Variants in THSD7B observed in about 807,000 individuals in gnomAD.
THSD7B encodes the protein thrombospondin type-1 domain-containing protein 7B.
In THSD7B, 138 loss-of-function variants were observed where a neutral mutation model predicts 213.6. The observed-to-expected ratio is 0.65, with a 90% CI of 0.56 to 0.74. THSD7B has a LOEUF of 0.74. Ranked by LOEUF, THSD7B falls within the 30% of genes least tolerant of loss-of-function variation. The pLI is 0.00. For missense variants in THSD7B, 1,931 were observed against 1,991.5 expected (o/e 0.97, Z 0.58); for synonymous variants, 742 against 687.0 (o/e 1.08, Z -1.25).
At chr2:137,171,667 A>T (rs1246245583) in intron 7 of THSD7B, among the ~76,000 whole-genome samples, 1 of 152,220 alleles carries the variant, frequency 6.6e-6, no homozygotes, top group African/African-American at 2.4e-5. Flanking sequence ...TGCCATGAGA[A>T]GCCCCACTTA....
chr2:137,395,086 T>C (rs1381970411), intron 12 of THSD7B, among the ~76,000 whole-genome samples: 1 of 142,048 alleles, frequency 7.0e-6, no homozygotes, highest in African/African-American at 2.6e-5. Flanking sequence ...GTTTTCTAGA[T>C]ATAAAATCAT....
rs148942585 is a variant in THSD7B at position 137,479,522 on chromosome 2, C to T, written c.3138+28499C>T. 3.1e-4 allele frequency: 124 copies of T among 400,406 alleles called. 3 individuals carry two copies. In the Middle Eastern group the frequency reaches 0.011, roughly 35 times the overall value. 24.8% of individuals were successfully genotyped at this position (400,406 alleles called of 1,614,324 possible). On this transcript the variant is annotated intron_variant, in intron 15 of 27. Transcript: ENST00000409968. The stretch of plus-strand genomic sequence containing the variant: ...TTGCTGGGGAAAGTGGGGTTCCTTT[C>T]GCTGGGAGCAGCCTTAGGCAGGTGG...
intron 5 of THSD7B, among the ~76,000 whole-genome samples, chr2:137,136,878 TA>T (rs1465479214): frequency 6.6e-6 from 1 of 152,176 alleles, no homozygotes; most frequent in Non-Finnish European, 1.5e-5. Context: ...AGATGAATAT[TA>T]GAAAATTATT....
intron 12 of THSD7B, among the ~76,000 whole-genome samples, chr2:137,370,993 CT>C (rs1347214305): frequency 6.6e-6 from 1 of 151,318 alleles, no homozygotes; most frequent in Non-Finnish European, 1.5e-5. Context: ...TTTCTATATA[CT>C]TTTTTGCTTT....
At chr2:137,651,564 G>A (rs746771160) in intron 21 of THSD7B, among the ~76,000 whole-genome samples, 3 of 151,654 alleles carry the variant, frequency 2.0e-5, no homozygotes, top group Non-Finnish European at 4.4e-5. Context: ...TTGACTTATG[G>A]CTACTCTGAT....
At chr2:137,281,424 A>G (rs1344174251) in intron 12 of THSD7B, among the ~76,000 whole-genome samples, 4 of 151,660 alleles carry the variant, frequency 2.6e-5, no homozygotes, top group African/African-American at 9.7e-5. Flanking sequence ...TATTATTATT[A>G]TACTTTAAGT....
intron 20 of THSD7B, among the ~76,000 whole-genome samples, chr2:137,639,898 C>G (rs1682906290): frequency 6.6e-6 from 1 of 152,148 alleles, no homozygotes; most frequent in Non-Finnish European, 1.5e-5. Context: ...AACTAGCTTG[C>G]TTTTGATTTT....
At position 136,801,728 on chromosome 2, in the gene THSD7B, G is replaced by A. The variant is rs578243862; in HGVS notation, c.-36+36041G>A. Among the ~76,000 whole-genome samples the A allele has an allele frequency of 9.2e-5, 14 of 152,196 alleles. No individual in the cohort carries two copies. The South Asian group carries it at 2.7e-3, about 29-fold the overall frequency. On this transcript the variant is annotated intron_variant, in intron 1 of 27. Coordinates refer to ENST00000409968, the MANE Select transcript of THSD7B (RefSeq NM_001316349.2). The stretch of plus-strand genomic sequence containing the variant: ...AGGATGGTTTGAATAGTATTGTAAT[G>A]CAATTGGCAAGCCAGTGGAATTGTG...
chr2:137,552,414 C>T (rs1680867183), intron 15 of THSD7B, among the ~76,000 whole-genome samples: 2 of 152,156 alleles, frequency 1.3e-5, no homozygotes, highest in South Asian at 2.1e-4. Context: ...GGCATCTCAC[C>T]ATCTCAGTGT....
intron 12 of THSD7B, among the ~76,000 whole-genome samples, chr2:137,315,588 T>A (rs1573956513): frequency 6.6e-6 from 1 of 152,290 alleles, no homozygotes; most frequent in East Asian, 1.9e-4. Flanking sequence ...CTATCAACTT[T>A]TTTTTTTCGT....
intron 2 of THSD7B, among the ~76,000 whole-genome samples, chr2:137,039,152 T>C (rs1264629065): frequency 6.6e-6 from 1 of 152,198 alleles, no homozygotes; most frequent in African/African-American, 2.4e-5. Context: ...TTATTCTTCT[T>C]TAAAATACAC....
At chr2:137,401,392 AC>A (rs1487235773) in intron 12 of THSD7B, among the ~76,000 whole-genome samples, 1 of 152,000 alleles carries the variant, frequency 6.6e-6, no homozygotes. Context: ...GTATTTTCAT[AC>A]CCTCTAGTAT....
rs534147145 is a variant in THSD7B, at chr2:137,074,668, T to G, written c.950+17438T>G. Among the ~76,000 whole-genome samples the G allele has an allele frequency of 1.5e-3, 235 of 152,332 alleles. 2 individuals are homozygous for G. Among genetic ancestry groups the G allele is most frequent in the Non-Finnish European group, 2.7e-3 (187 of 68,030 alleles). Reference sequence around the variant, plus strand: ...TATTTTGCTCGTTGGTTGATGCAGTTTCTTCCTAGCCTTGACGGTCTTTAC... The same window carrying G: ...TATTTTGCTCGTTGGTTGATGCAGTGTCTTCCTAGCCTTGACGGTCTTTAC... On this transcript the variant is annotated intron_variant, in intron 3 of 27. Coordinates refer to ENST00000409968, the MANE Select transcript of THSD7B (RefSeq NM_001316349.2).
chr2:137,468,785 A>G (rs746841165), intron 15 of THSD7B, among the ~76,000 whole-genome samples: 2 of 152,040 alleles, frequency 1.3e-5, no homozygotes, highest in African/African-American at 2.4e-5. Context: ...GAACTTCCCT[A>G]TGGATTCTTT....
At chr2:136,997,809 T>C (rs1685922545) in intron 2 of THSD7B, among the ~76,000 whole-genome samples, 1 of 152,126 alleles carries the variant, frequency 6.6e-6, no homozygotes, top group African/African-American at 2.4e-5. Context: ...TCTTATGACC[T>C]TCTGGATGTA....
chr2:136,804,793 A>G (rs918681820), intron 1 of THSD7B, among the ~76,000 whole-genome samples: 3 of 152,156 alleles, frequency 2.0e-5, no homozygotes, highest in African/African-American at 4.8e-5. Context: ...AGCTTGCTTA[A>G]TTATTAAGGA....
chr2:137,468,460 C>G (rs1001792495), intron 15 of THSD7B, among the ~76,000 whole-genome samples: 1 of 151,826 alleles, frequency 6.6e-6, no homozygotes, highest in African/African-American at 2.4e-5. Flanking sequence ...GGTTTGTCCT[C>G]TAAACTTGAA....
At chr2:137,360,091 T>C (rs1685220113) in intron 12 of THSD7B, among the ~76,000 whole-genome samples, 2 of 152,188 alleles carry the variant, frequency 1.3e-5, no homozygotes, top group Non-Finnish European at 2.9e-5. Flanking sequence ...AAACAGGTCA[T>C]GTAGAAGTTT....
intron 3 of THSD7B, among the ~76,000 whole-genome samples, chr2:137,061,692 T>A (rs971601153): frequency 1.3e-5 from 2 of 151,860 alleles, no homozygotes; most frequent in African/African-American, 2.4e-5. Flanking sequence ...GAACCAGCCT[T>A]GTGTATGTGG....
Sources: gnomAD v4.1 joint callset for allele counts (sites outside exome capture counted in the v4.1 genomes callset) on GRCh38, gnomAD v4.1.1 for gene constraint, MANE v1.5 for transcripts, NCBI Gene and HGNC (gene_info 2026-07-23, HGNC 2026-07-21) for gene names.